Variants in RBM44 observed in about 807,000 individuals in gnomAD.
The protein encoded by RBM44 is RNA binding motif protein 44, also known as RNA-binding protein 44.
A neutral mutation model predicts 105.1 loss-of-function variants in RBM44; 66 were observed. That is an observed-to-expected ratio of 0.63 (90% CI 0.52 to 0.77). RBM44 has a LOEUF of 0.77. Ranked by LOEUF, RBM44 falls within the 30% of genes least tolerant of loss-of-function variation. The probability of loss-of-function intolerance (pLI) is 0.00; values close to 1 mark genes in which losing one functional copy is unlikely to be tolerated. For synonymous variants in RBM44, 365 were observed against 417.6 expected (o/e 0.87, Z 1.54); for missense variants, 1,122 against 1,207.8 (o/e 0.93, Z 1.05).
intron 7 of RBM44, 28 bp downstream of exon 7, chr2:237,821,396 A>T: frequency 7.3e-6 from 11 of 1,497,984 alleles, no homozygotes; most frequent in Non-Finnish European, 9.1e-6. Flanking sequence ...TTGATTTATA[A>T]TTCATTAGAT....
At chr2:237,804,341 G>T (rs145626176) in intron 1 of RBM44, among the ~76,000 whole-genome samples, 1,895 of 152,330 alleles carry the variant, frequency 0.012, 23 homozygotes, top group Non-Finnish European at 0.018. Context: ...GGGTCAAATG[G>T]TAGCTCTGTT....
In RBM44 at chr2:237,812,272, C is replaced by CT. The variant is rs1232808202; in HGVS notation, c.-18-1314dup. Among the ~76,000 whole-genome samples the CT allele has an allele frequency of 2.0e-5, 3 of 152,136 alleles. No homozygotes were observed. The East Asian group carries it at 5.8e-4, about 29-fold the overall frequency. ...TTGTCTTAACTAATTACATTTTAAA[C>CT]TTTTTTGGCTTATTTTTAGTTCTTT... is the stretch of plus-strand genomic sequence containing the variant. On this transcript the variant is annotated intron_variant, in intron 1 of 15. Coordinates refer to ENST00000316997, the MANE Select transcript of RBM44 (RefSeq NM_001080504.3).
At chr2:237,827,374 G>T in intron 11 of RBM44, 45 bp downstream of exon 11, 3 of 1,460,934 alleles carry the variant, frequency 2.1e-6, no homozygotes, top group Non-Finnish European at 1.9e-6. Context: ...AAATTTATTA[G>T]TTGTTCATAT....
chr2:237,827,560 GT>G lies in RBM44; in HGVS notation c.2600+59del, dbSNP rs1214003442. The G allele has an allele frequency of 1.9e-5, 19 of 988,258 alleles. No individual in the cohort carries two copies. The African/African-American group carries it at 3.1e-4, about 16-fold the overall frequency. The allele number at this position is 988,258 out of a possible 1,614,324, so 61.2% of individuals were successfully genotyped here. On this transcript the variant is annotated intron_variant, in intron 12 of 15. Transcript: ENST00000316997. ...ATTATGTGTCTGCTGTTTGCCAAAGGTTCTATACCAGATATCAGCCACAGTG... is the reference window on the plus strand; with the variant it reads ...ATTATGTGTCTGCTGTTTGCCAAAGGTCTATACCAGATATCAGCCACAGTG...
In RBM44 at chr2:237,827,284, A is replaced by T; in HGVS notation, c.2484A>T (p.Lys828Asn). The T allele has an allele frequency of 6.3e-7, 1 of 1,594,266 alleles. No individual in the cohort carries two copies. The highest frequency in any genetic ancestry group is 2.2e-5 in the East Asian group (1 of 44,614). ...MKNVEPSQRD[K>N]GYLIHVGGLC... The stretch of plus-strand genomic sequence containing the variant: ...ATGTTGAACCCTCACAAAGAGATAA[A>T]GGTTATTTGATACATGTTGGTGGCC... Residue 828 changes from lysine (K) to asparagine (N), a missense_variant, in exon 11 of 16, where the codon AAA becomes AAT. By Grantham distance (94) the Lys-to-Asn change is moderately conservative. This residue lies in a region of RBM44 where 918 missense variants were observed against 955.3 expected (regional missense o/e 0.96). Transcript: ENST00000316997.
At position 237,818,182 on chromosome 2, in the gene RBM44, T is replaced by C; in HGVS notation, c.1263T>C (p.Asn421=). The part of the protein sequence containing the change: ...AMLPKIAVRD[N]QAIEDNTSLK... The stretch of plus-strand genomic sequence containing the variant: ...TACCAAAGATCGCAGTCAGAGATAA[T>C]CAGGCAATAGAAGATAATACGTCCC... Residue 421 remains asparagine (N), a synonymous_variant, in exon 3 of 16, where the codon AAT becomes AAC. Coordinates refer to ENST00000316997, the MANE Select transcript of RBM44 (RefSeq NM_001080504.3). The surrounding 1 kb of genome is among the most constrained non-coding windows in gnomAD (Gnocchi z 4.6). 1 of 1,613,122 alleles carries C rather than the reference T, an allele frequency of 6.2e-7. No individual in the cohort carries two copies. The highest frequency in any genetic ancestry group is 8.5e-7 in the Non-Finnish European group (1 of 1,179,510).
At position 237,818,398 on chromosome 2, in the gene RBM44, A is replaced by T. The variant is rs778471555; in HGVS notation, c.1479A>T (p.Thr493=). The change falls in exon 3 of 16, where the codon ACA becomes ACT. Residue 493 remains threonine (T), a synonymous_variant. Transcript: ENST00000316997. The surrounding 1 kb of genome is among the most constrained non-coding windows in gnomAD (Gnocchi z 4.6). ...GTGCAAGACCTTCTGTAGTATCTAC[A>T]TCAAGCAACACAGAGATAACAATGA... ...ATSARPSVVS[T]SSNTEITMMN... 35 of 1,613,136 alleles carry T rather than the reference A, an allele frequency of 2.2e-5. 1 individual carries two copies. The South Asian group carries it at 3.6e-4, about 17-fold the overall frequency.
At chr2:237,807,926 T>C (rs569100677) in intron 1 of RBM44, among the ~76,000 whole-genome samples, 39 of 152,324 alleles carry the variant, frequency 2.6e-4, no homozygotes, top group African/African-American at 9.1e-4. Context: ...AGGTTCAAAT[T>C]ATTTATATAT....
chr2:237,834,828 G>T (rs147887043), intron 15 of RBM44: 1 of 154,734 alleles, frequency 6.5e-6, no homozygotes, highest in African/African-American at 2.4e-5. Context: ...CACCACATAG[G>T]CTCTTCCATA....
At chr2:237,821,013 G>C (rs2061781469) in intron 5 of RBM44, 58 bp from the exon 6 acceptor site, 1 of 1,263,264 alleles carries the variant, frequency 7.9e-7, no homozygotes, top group African/African-American at 1.5e-5. Context: ...TAATATTAGT[G>C]TTAAATGGAT....
chr2:237,830,428 TC>T (rs1397115511), intron 13 of RBM44, among the ~76,000 whole-genome samples: 1 of 152,168 alleles, frequency 6.6e-6, no homozygotes, highest in Non-Finnish European at 1.5e-5. Flanking sequence ...ACAGTGTCTT[TC>T]TCAGAACAGG....
chr2:237,800,288 T>C (rs934305091), intron 1 of RBM44, among the ~76,000 whole-genome samples: 2 of 152,256 alleles, frequency 1.3e-5, no homozygotes, highest in African/African-American at 4.8e-5. Flanking sequence ...TGTCAAGTCA[T>C]TTGCTCATTC....
chr2:237,818,425 G>C lies in RBM44; in HGVS notation c.1506G>C (p.Met502Ile), dbSNP rs1411679069. The C allele has an allele frequency of 3.2e-6, 5 of 1,545,388 alleles. No homozygotes were observed. The highest frequency in any genetic ancestry group is 4.4e-6 in the Non-Finnish European group (5 of 1,138,210). ...CAAGCAACACAGAGATAACAATGAT[G>C]AATAAAAAACGACCTGATGAATGGC... ...STSSNTEITM[M>I]NKKRPDEWQN... Residue 502 changes from methionine to isoleucine, a missense_variant, in exon 3 of 16, where the codon ATG becomes ATC. This residue lies in a region of RBM44 where 918 missense variants were observed against 955.3 expected (regional missense o/e 0.96). Coordinates refer to ENST00000316997, the MANE Select transcript of RBM44 (RefSeq NM_001080504.3). The surrounding 1 kb of genome is among the most constrained non-coding windows in gnomAD (Gnocchi z 4.6).
At chr2:237,809,043 C>T (rs2061627901) in intron 1 of RBM44, among the ~76,000 whole-genome samples, 1 of 152,160 alleles carries the variant, frequency 6.6e-6, no homozygotes, top group Non-Finnish European at 1.5e-5. Flanking sequence ...TTTCAATTCT[C>T]ATTATATATG....
chr2:237,840,896 T>C (rs577909631), intron 15 of RBM44, among the ~76,000 whole-genome samples: 6 of 152,258 alleles, frequency 3.9e-5, no homozygotes, highest in African/African-American at 1.2e-4. Flanking sequence ...AGAATGGCTA[T>C]TACTAAATAA....
At chr2:237,809,865 G>A (rs1234027288) in intron 1 of RBM44, among the ~76,000 whole-genome samples, 14 of 152,232 alleles carry the variant, frequency 9.2e-5, no homozygotes, top group East Asian at 1.9e-4. Flanking sequence ...CCAGGAGTTC[G>A]GGGCTGCAGT....
chr2:237,823,244 T>C (rs1390022109), intron 8 of RBM44, among the ~76,000 whole-genome samples, 196 bp from the exon 9 acceptor site: 1 of 152,028 alleles, frequency 6.6e-6, no homozygotes, highest in African/African-American at 2.4e-5. Context: ...GTGTAATTCT[T>C]GTTAACTGTG....
chr2:237,829,813 A>G (rs1014407744), intron 13 of RBM44, among the ~76,000 whole-genome samples: 1 of 152,104 alleles, frequency 6.6e-6, no homozygotes, highest in African/African-American at 2.4e-5. Context: ...TTTTTCTTTC[A>G]TAGCTAACTT....
chr2:237,807,153 G>GA lies in RBM44; in HGVS notation c.-18-6429dup, dbSNP rs879311066. Among the ~76,000 whole-genome samples the GA allele has an allele frequency of 8.7e-5, 13 of 149,648 alleles. No homozygotes were observed. In the South Asian group the frequency reaches 1.1e-3, roughly 12 times the overall value. On this transcript the variant is annotated intron_variant, in intron 1 of 15. Coordinates refer to ENST00000316997, the MANE Select transcript of RBM44 (RefSeq NM_001080504.3). ...ACTGAAGGCAATTTAAACACCTAGG[G>GA]AAAAAAAAAATTTGAGATGGAATCT...
Sources: allele counts gnomAD v4.1 joint callset (sites outside exome capture counted in the v4.1 genomes callset), GRCh38; gene constraint gnomAD v4.1.1; regional missense constraint gnomAD v4.1.1; non-coding constraint Gnocchi (gnomAD v3.1); transcripts MANE v1.5; gene names NCBI Gene and HGNC (gene_info 2026-07-23, HGNC 2026-07-21).